CEP164: variants seen among roughly 807,000 people sequenced by gnomAD.
The protein encoded by CEP164 is centrosomal protein of 164 kDa.
In CEP164, 162 loss-of-function variants were observed where a neutral mutation model predicts 182.7. That is an observed-to-expected ratio of 0.89 (90% confidence interval 0.78 to 1.01). The LOEUF (loss-of-function observed/expected upper bound fraction) is 1.01, where lower values mean the gene tolerates loss of function less well. Among genes scored for constraint, CEP164 ranks in the 50% least tolerant of loss-of-function variants. CEP164 has a pLI of 0.00. For synonymous variants in CEP164, 661 were observed against 690.0 expected (o/e 0.96, Z 0.66); for missense variants, 1,735 against 1,790.4 (o/e 0.97, Z 0.56).
At chr11:117,323,936 C>T, upstream of CEP164, 1 of 322,932 alleles carries the variant, frequency 3.1e-6, no homozygotes, top group Non-Finnish European at 6.6e-6. Context: ...TTTTAAAAAT[C>T]CGGTTATTTG....
chr11:117,381,666 GGGCCTGACTCTGCTGCTCTGCCC>G lies in CEP164; in HGVS notation c.1410-26_1410-4del. ...TTCTCTTCCCGCTCTCCAAATGGAG[GGGCCTGACTCTGCTGCTCTGCCC>G]GGCCTGACCAGGTTATCTCCTCCAC... On this transcript the variant is annotated splice_polypyrimidine_tract_variant and intron_variant, in intron 12 of 32. Coordinates refer to ENST00000278935, the MANE Select transcript of CEP164 (RefSeq NM_014956.5). 6.3e-7 allele frequency: 1 copy of G among 1,586,024 alleles called. No homozygotes were observed. The highest frequency in any genetic ancestry group is 8.6e-7 in the Non-Finnish European group (1 of 1,166,466).
Position 117,350,520 on chromosome 11 carries a change from T to C in CEP164, c.195-1270T>C, listed in dbSNP as rs139510790. ...CCAGTGTTTAGTGATGTGGGACATC[T>C]TTTCATGTGCTTATGGGTCATTTGC... On this transcript the variant is annotated intron_variant, in intron 4 of 32. Coordinates refer to ENST00000278935, the MANE Select transcript of CEP164 (RefSeq NM_014956.5). Among the ~76,000 whole-genome samples the C allele has an allele frequency of 2.2e-3, 332 of 152,322 alleles. 2 individuals are homozygous for C. Among genetic ancestry groups the C allele is most frequent in the African/African-American group, 7.8e-3 (325 of 41,582 alleles).
At chr11:117,393,480 C>T (rs1428345904) in intron 20 of CEP164, among the ~76,000 whole-genome samples, 2 of 152,154 alleles carry the variant, frequency 1.3e-5, no homozygotes, top group Non-Finnish European at 2.9e-5. Flanking sequence ...GTTCTGAGCT[C>T]TTTATCTATT....
chr11:117,398,919 G>A (rs770768297), intron 27 of CEP164, among the ~76,000 whole-genome samples: 4 of 152,192 alleles, frequency 2.6e-5, no homozygotes, highest in South Asian at 2.1e-4. Flanking sequence ...TCTGCTCCTT[G>A]TTACATATGA....
chr11:117,410,467 G>T (rs770031376), intron 30 of CEP164: 1 of 272,580 alleles, frequency 3.7e-6, no homozygotes, highest in African/African-American at 2.2e-5. Flanking sequence ...AACAAACTCA[G>T]TTGTGACCCC....
intron 15 of CEP164, among the ~76,000 whole-genome samples, chr11:117,388,769 CTCTT>C (rs1244334309): frequency 3.0e-5 from 3 of 98,500 alleles, no homozygotes; most frequent in Non-Finnish European, 6.8e-5. Flanking sequence ...CAAATTTTCT[CTCTT>C]TTTTTTTTTT....
chr11:117,361,727 T>G (rs2040998611), intron 5 of CEP164, 108 bp from the exon 6 acceptor site: 1 of 1,182,772 alleles, frequency 8.5e-7, no homozygotes, highest in East Asian at 2.3e-5. Flanking sequence ...CGGAGGTGGT[T>G]TAAATTTGAG....
At chr11:117,327,253 G>A (rs2035504037), upstream of CEP164, among the ~76,000 whole-genome samples, 1 of 152,052 alleles carries the variant, frequency 6.6e-6, no homozygotes, top group Non-Finnish European at 1.5e-5. Context: ...GAGTGGACGC[G>A]TCTCCATTAC....
At position 117,412,336 on chromosome 11, in the gene CEP164, G is replaced by T. The variant is rs1043091256; in HGVS notation, c.*168G>T. ...GTGGAACAGTAAAGCCACACATTCT[G>T]TGACTATATAACCTATCTCAGGCTA... On this transcript the variant is annotated 3_prime_UTR_variant, in exon 33 of 33. Coordinates refer to ENST00000278935, the MANE Select transcript of CEP164 (RefSeq NM_014956.5). 1.7e-6 allele frequency: 1 copy of T among 591,556 alleles called. No homozygotes were observed. The highest frequency in any genetic ancestry group is 1.9e-5 in the African/African-American group (1 of 53,726). The allele number at this position is 591,556 out of a possible 1,614,324, so 36.6% of individuals were successfully genotyped here. A position where few individuals can be genotyped will look rare whatever the true frequency, so the allele number is the denominator to read the frequency against.
At chr11:117,353,237 C>G in intron 5 of CEP164, among the ~76,000 whole-genome samples, 1 of 152,200 alleles carries the variant, frequency 6.6e-6, no homozygotes, top group South Asian at 2.1e-4. Flanking sequence ...CCTCCAGAGC[C>G]TTGTGCTTCC....
rs2039711617 is a variant in CEP164, at chr11:117,352,099, G to A, written c.393+111G>A. 8.0e-6 allele frequency: 7 copies of A among 874,552 alleles called. No homozygotes were observed. In the East Asian group the frequency reaches 1.3e-4, roughly 17 times the overall value. The allele number at this position is 874,552 out of a possible 1,614,324, so 54.2% of individuals were successfully genotyped here. ...GGTTGAAGACAACAGTCAGAATATGGTAAATTCTTGATAGTATATCATCTA... is the reference window on the plus strand; with the variant it reads ...GGTTGAAGACAACAGTCAGAATATGATAAATTCTTGATAGTATATCATCTA... On this transcript the variant is annotated intron_variant, in intron 5 of 32. Coordinates refer to ENST00000278935, the MANE Select transcript of CEP164 (RefSeq NM_014956.5).
chr11:117,361,348 C>T (rs559931199), intron 5 of CEP164, among the ~76,000 whole-genome samples: 2 of 141,194 alleles, frequency 1.4e-5, no homozygotes, highest in South Asian at 4.7e-4. Context: ...TCAAGTGATT[C>T]TCCTGCTTCA....
rs2136997790 is a variant in CEP164 at position 117,411,755 on chromosome 11, C to T, written c.4164-40C>T. 1.2e-6 allele frequency: 2 copies of T among 1,612,736 alleles called. No homozygotes were observed. The highest frequency in any genetic ancestry group is 1.1e-5 in the South Asian group (1 of 90,814). Reference sequence around the variant, plus strand: ...TGTGCATCCTCTGTCACTTCCGCGCCTCCTCTCTCCCCTCGCCATGCTCTC... The same window carrying T: ...TGTGCATCCTCTGTCACTTCCGCGCTTCCTCTCTCCCCTCGCCATGCTCTC... On this transcript the variant is annotated intron_variant, in intron 31 of 32. Transcript: ENST00000278935. The surrounding 1 kb of genome is among the most constrained non-coding windows in gnomAD (Gnocchi z 4.4).
intron 1 of CEP164, among the ~76,000 whole-genome samples, chr11:117,321,994 G>A (rs545907642): frequency 1.4e-4 from 22 of 152,170 alleles, no homozygotes; most frequent in African/African-American, 5.1e-4. Flanking sequence ...CATTGCTCTC[G>A]GCTGTTACTG....
chr11:117,338,526 C>T, intron 2 of CEP164, 40 bp from the exon 3 acceptor site: 1 of 1,440,282 alleles, frequency 6.9e-7, no homozygotes, highest in Non-Finnish European at 9.8e-7. Flanking sequence ...TAAGCTTGGT[C>T]ACTGATTTTT....
rs1478191984 is a variant in CEP164, at chr11:117,371,132, C to T, written c.818C>T (p.Ser273Leu). 6.2e-7 allele frequency: 1 copy of T among 1,611,774 alleles called. No homozygotes were observed. Among genetic ancestry groups the T allele is most frequent in the Non-Finnish European group, 8.5e-7 (1 of 1,178,496 alleles). ...PEEKKDVSLD[S>L]DAAGPPTPCK... ...GAGAAGAAGGATGTTTCTCTGGATT[C>T]AGATGCTGCCGGTCCCCCTACTCCC... The change falls in exon 9 of 33, where the codon TCA becomes TTA. Residue 273 changes from serine (S) to leucine (L), a missense_variant. By Grantham distance (145) the Ser-to-Leu change is moderately radical. Coordinates refer to ENST00000278935, the MANE Select transcript of CEP164 (RefSeq NM_014956.5).
At chr11:117,368,887 G>A (rs1365670304) in intron 8 of CEP164, among the ~76,000 whole-genome samples, 1 of 152,180 alleles carries the variant, frequency 6.6e-6, no homozygotes, top group Non-Finnish European at 1.5e-5. Context: ...AGCACTGGCG[G>A]GTACCTGCAT....
In CEP164 at chr11:117,395,115, C is replaced by A. The variant is rs781117194; in HGVS notation, c.2845-8C>A. On this transcript the variant is annotated splice_region_variant and splice_polypyrimidine_tract_variant and intron_variant, in intron 22 of 32. Transcript: ENST00000278935. ...GTCAGCCAGAAAATCCTGTCTCTTC[C>A]CTGCAAGGAGGAGACCGCCCGGAGG... 1.2e-6 allele frequency: 2 copies of A among 1,614,170 alleles called. No individual in the cohort carries two copies. The highest frequency in any genetic ancestry group is 1.7e-6 in the Non-Finnish European group (2 of 1,180,032).
chr11:117,342,881 G>T (rs1565429063), intron 3 of CEP164, among the ~76,000 whole-genome samples: 1 of 152,060 alleles, frequency 6.6e-6, no homozygotes, highest in Non-Finnish European at 1.5e-5. Flanking sequence ...ATTTTTGTTT[G>T]TTTGTTTGTT....
Sources: gnomAD v4.1 joint callset for allele counts (sites outside exome capture counted in the v4.1 genomes callset) on GRCh38, gnomAD v4.1.1 for gene constraint, Gnocchi (gnomAD v3.1) non-coding constraint, MANE v1.5 for transcripts, NCBI Gene and HGNC (gene_info 2026-07-23, HGNC 2026-07-21) for gene names.